EXD1: variants seen among roughly 807,000 people sequenced by gnomAD.
EXD1 encodes exonuclease 3'-5' domain containing 1, also known as piRNA biogenesis protein EXD1.
EXD1 carries 63 observed loss-of-function variants against 49.1 expected under a neutral mutation model. The observed-to-expected ratio is 1.28, with a 90% CI of 1.05 to 1.58. The LOEUF (loss-of-function observed/expected upper bound fraction) is 1.58. EXD1 is among the 40% of genes most tolerant of loss of function. The pLI is 0.00. For missense variants in EXD1, 748 were observed against 666.0 expected, an observed-to-expected ratio of 1.12 and a Z score of -1.36; for synonymous variants, 234 against 239.2, an observed-to-expected ratio of 0.98 and a Z score of 0.20.
intron 7 of EXD1, among the ~76,000 whole-genome samples, chr15:41,197,281 G>A (rs905675376): frequency 2.0e-5 from 3 of 150,352 alleles, no homozygotes; most frequent in Admixed American, 6.7e-5. Context: ...AGGCTGGAGG[G>A]CAGTGGCACG....
chr15:41,216,368 A>T (rs191163025), intron 5 of EXD1, among the ~76,000 whole-genome samples: 64 of 151,950 alleles, frequency 4.2e-4, no homozygotes, highest in African/African-American at 1.5e-3. Flanking sequence ...ACAGTGGCTC[A>T]TGCCTTTAAT....
chr15:41,228,275 A>T (rs2047192764), intron 1 of EXD1, among the ~76,000 whole-genome samples: 1 of 152,202 alleles, frequency 6.6e-6, no homozygotes, highest in African/African-American at 2.4e-5. Flanking sequence ...AAAAACATTG[A>T]TGAAATAACT....
Position 41,184,399 on chromosome 15 carries a change from A to G in EXD1, c.1251T>C (p.Asn417=). ...EKVKGFLFGK[N]FRIDKAPSFT... ...AACTTGGAGCTTTATCTATCCTAAA[A>G]TTTTTACCAAATAAGAAGCCTTTGA... Residue 417 remains asparagine (N), a synonymous_variant, in exon 12 of 12, where the codon AAT becomes AAC. Coordinates refer to ENST00000458580, the MANE Select transcript of EXD1 (RefSeq NM_001286441.2). 1 of 1,613,944 alleles carries G rather than the reference A, an allele frequency of 6.2e-7. No individual in the cohort carries two copies. The highest frequency in any genetic ancestry group is 8.5e-7 in the Non-Finnish European group (1 of 1,180,000).
intron 6 of EXD1, among the ~76,000 whole-genome samples, chr15:41,212,954 T>C (rs957933088): frequency 3.3e-5 from 5 of 152,002 alleles, no homozygotes; most frequent in Admixed American, 6.6e-5. Context: ...GGTGGGAGGA[T>C]TGCTTGAGCC....
intron 11 of EXD1, among the ~76,000 whole-genome samples, 182 bp from the exon 12 acceptor site, chr15:41,184,775 C>T (rs748534579): frequency 6.6e-6 from 1 of 152,034 alleles, no homozygotes; most frequent in African/African-American, 2.4e-5. Context: ...CTGCCTCAGC[C>T]TCCCAAGTAG....
At position 41,209,526 on chromosome 15, in the gene EXD1, C is replaced by T. The variant is rs762464159; in HGVS notation, c.509G>A (p.Arg170His). The T allele has an allele frequency of 1.1e-5, 18 of 1,614,094 alleles. No homozygotes were observed. The highest frequency in any genetic ancestry group is 6.7e-5 in the East Asian group (3 of 44,890). The change falls in exon 7 of 12, where the codon CGC (arginine) becomes CAC (histidine). Residue 170 changes from arginine to histidine, a missense_variant. By Grantham distance (29) the Arg-to-His change is conservative (BLOSUM62 0). Transcript: ENST00000458580. ...SVAAEGANVC[R>H]HGKLCWLQVA... ...CTGCAGCCAGCACAGTTTGCCATGG[C>T]GACATACATTCGCTCCTTCTGCTGC...
At position 41,216,797 on chromosome 15, in the gene EXD1, T is replaced by C. The variant is rs775894764; in HGVS notation, c.261-2A>G. ...ATCCAGGTTCTTTCTGCATGTAGAC[T>C]ATCCTTACAAGAAACAATATTTGGG... On this transcript the variant is annotated splice_acceptor_variant, in intron 4 of 11. Coordinates refer to ENST00000458580, the MANE Select transcript of EXD1 (RefSeq NM_001286441.2). LOFTEE classifies it high-confidence loss of function. 9.3e-6 allele frequency: 15 copies of C among 1,611,198 alleles called. No homozygotes were observed. Among genetic ancestry groups the C allele is most frequent in the Non-Finnish European group, 1.2e-5 (14 of 1,179,514 alleles).
At chr15:41,218,162 T>C (rs77303383) in intron 3 of EXD1, among the ~76,000 whole-genome samples, 24,481 of 151,944 alleles carry the variant, frequency 0.16, 3,634 homozygotes, top group African/African-American at 0.39. Context: ...CTGGCCAACA[T>C]GGCGAAACCC....
At chr15:41,193,999 ATTTTTTTTTTTTTTTT>A (rs747194413) in intron 9 of EXD1, among the ~76,000 whole-genome samples, 1 of 82,924 alleles carries the variant, frequency 1.2e-5, no homozygotes, top group East Asian at 4.0e-4. Flanking sequence ...ATGACAAGTG[ATTTTTTTTTTTTTTTT>A]TTTTTTTTTT....
chr15:41,184,268 G>C lies in EXD1; in HGVS notation c.1382C>G (p.Thr461Ser), dbSNP rs2046369301. The C allele has an allele frequency of 6.2e-7, 1 of 1,614,060 alleles. No individual in the cohort carries two copies. The highest frequency in any genetic ancestry group is 8.5e-7 in the Non-Finnish European group (1 of 1,180,032). Residue 461 changes from threonine (T) to serine (S), a missense_variant, in exon 12 of 12, where the codon ACC becomes AGC. By Grantham distance (58) the Thr-to-Ser change is moderately conservative (BLOSUM62 1). Coordinates refer to ENST00000458580, the MANE Select transcript of EXD1 (RefSeq NM_001286441.2). ...QHLPPTEEGE[T>S]SEDSSNKLIC... is the part of the protein sequence containing the mutation. The stretch of plus-strand genomic sequence containing the variant: ...GAGTTTGTTACTGGAATCCTCACTG[G>C]TTTCCCCTTCCTCTGTGGGAGGTAG...
At chr15:41,219,929 T>C (rs772332939) in intron 2 of EXD1, 31 bp from the exon 3 acceptor site, 15 of 1,510,520 alleles carry the variant, frequency 9.9e-6, no homozygotes, top group Non-Finnish European at 1.2e-5. Context: ...TTCAGTTAAT[T>C]AAAATATTTT....
rs762174962 is a variant in EXD1, at chr15:41,184,084, C to G, written c.1566G>C (p.Gln522His). The G allele has an allele frequency of 6.2e-7, 1 of 1,614,190 alleles. No homozygotes were observed. The highest frequency in any genetic ancestry group is 8.5e-7 in the Non-Finnish European group (1 of 1,180,038). Reference sequence around the variant, plus strand: ...GAGGAAAGGAAGACATTGAAACAGCCTGTTTTGTGCATTTTAAATCTTCCT... The same window carrying G: ...GAGGAAAGGAAGACATTGAAACAGCGTGTTTTGTGCATTTTAAATCTTCCT... ...ENKEDLKCTK[Q>H]AVSMSSFPQE... The change falls in exon 12 of 12, where the codon CAG (glutamine) becomes CAC (histidine). Residue 522 changes from glutamine (Q) to histidine (H), a missense_variant. Physicochemically the swap from Gln to His is conservative, Grantham distance 24. Coordinates refer to ENST00000458580, the MANE Select transcript of EXD1 (RefSeq NM_001286441.2).
chr15:41,188,164 ACTACTT>A (rs906166167), intron 11 of EXD1, among the ~76,000 whole-genome samples: 1 of 152,064 alleles, frequency 6.6e-6, no homozygotes, highest in African/African-American at 2.4e-5. Context: ...AGTCTCATAT[ACTACTT>A]CTACTACTTT....
chr15:41,216,609 C>G, intron 5 of EXD1, 59 bp downstream of exon 5: 1 of 1,521,448 alleles, frequency 6.6e-7, no homozygotes, highest in Non-Finnish European at 8.8e-7. Flanking sequence ...GCAGCCTGGG[C>G]AACAAGAGCG....
intron 6 of EXD1, among the ~76,000 whole-genome samples, chr15:41,209,826 C>G (rs2046894336): frequency 6.6e-6 from 1 of 151,966 alleles, no homozygotes; most frequent in East Asian, 1.9e-4. Context: ...AAATAAATCA[C>G]TCAGACCCCA....
At chr15:41,203,714 C>T (rs554280141) in intron 7 of EXD1, among the ~76,000 whole-genome samples, 6 of 150,094 alleles carry the variant, frequency 4.0e-5, no homozygotes, top group South Asian at 4.2e-4. Flanking sequence ...TTCAGGAGTT[C>T]GACACCAGCC....
intron 7 of EXD1, among the ~76,000 whole-genome samples, chr15:41,199,723 T>TATATCATATATATC (rs2046682585): frequency 1.1e-4 from 4 of 36,308 alleles, no homozygotes; most frequent in Non-Finnish European, 2.6e-4. Context: ...TATGATATAT[T>TATATCATATATATC]ATATATGATA....
At chr15:41,197,263 T>G (rs947127112) in intron 7 of EXD1, among the ~76,000 whole-genome samples, 1 of 150,636 alleles carries the variant, frequency 6.6e-6, no homozygotes, top group African/African-American at 2.4e-5. Flanking sequence ...AGTCTTGCTC[T>G]GTCGCCCAGG....
intron 7 of EXD1, among the ~76,000 whole-genome samples, chr15:41,198,519 C>G (rs1383219793): frequency 6.6e-6 from 1 of 151,694 alleles, no homozygotes; most frequent in East Asian, 1.9e-4. Flanking sequence ...ATGGACACCC[C>G]ATCTGTACAA....
Sources: gnomAD v4.1 joint callset for allele counts (sites outside exome capture counted in the v4.1 genomes callset) on GRCh38, gnomAD v4.1.1 for gene constraint, MANE v1.5 for transcripts, NCBI Gene and HGNC (gene_info 2026-07-23, HGNC 2026-07-21) for gene names.